The following LMBR1 variants were observed in gnomAD, a reference collection of about 807,000 sequenced individuals.
The protein encoded by LMBR1 is limb development membrane protein 1.
In LMBR1, 52 loss-of-function variants were observed where a neutral mutation model predicts 73.9. The ratio of observed to expected loss-of-function variants is 0.70; its 90% confidence interval spans 0.56 to 0.89. LMBR1 has a LOEUF of 0.89. Among genes scored for constraint, LMBR1 ranks in the 40% least tolerant of loss-of-function variants. LMBR1 has a pLI of 0.00. For synonymous variants in LMBR1, 215 were observed against 209.4 expected (o/e 1.03, Z -0.23); for missense variants, 539 against 579.8 (o/e 0.93, Z 0.72).
intron 4 of LMBR1, among the ~76,000 whole-genome samples, chr7:156,798,254 A>G (rs1830379590): frequency 6.6e-6 from 1 of 152,190 alleles, no homozygotes; most frequent in Non-Finnish European, 1.5e-5. Context: ...TGCCTGTCAT[A>G]AAATAAGCAT....
intron 15 of LMBR1, among the ~76,000 whole-genome samples, chr7:156,696,822 A>G (rs1808384863): frequency 6.6e-6 from 1 of 152,078 alleles, no homozygotes; most frequent in South Asian, 2.1e-4. Context: ...TCATTTCAAA[A>G]CCAATTATGC....
chr7:156,754,335 T>C (rs1271188207), intron 9 of LMBR1, among the ~76,000 whole-genome samples: 2 of 152,216 alleles, frequency 1.3e-5, no homozygotes, highest in African/African-American at 4.8e-5. Context: ...ATATCATAAC[T>C]ACCACAATAA....
At chr7:156,828,439 C>A (rs1427330067) in intron 3 of LMBR1, among the ~76,000 whole-genome samples, 1 of 152,142 alleles carries the variant, frequency 6.6e-6, no homozygotes, top group East Asian at 1.9e-4. Context: ...AGTAATGCAT[C>A]TTTTCTAATT....
At chr7:156,709,215 C>T (rs796672629) in intron 15 of LMBR1, among the ~76,000 whole-genome samples, 25 of 152,340 alleles carry the variant, frequency 1.6e-4, no homozygotes, top group African/African-American at 5.8e-4. Context: ...GCAGCTGGAA[C>T]TCTCTTGAAA....
intron 1 of LMBR1, among the ~76,000 whole-genome samples, chr7:156,846,442 T>C (rs961665824): frequency 6.6e-6 from 1 of 152,176 alleles, no homozygotes; most frequent in African/African-American, 2.4e-5. Flanking sequence ...ACACTATTTA[T>C]ATTAGCATTC....
At chr7:156,819,722 C>A (rs138154741) in intron 4 of LMBR1, among the ~76,000 whole-genome samples, 49 of 152,322 alleles carry the variant, frequency 3.2e-4, no homozygotes, top group African/African-American at 1.1e-3. Flanking sequence ...CCTAGGAGAC[C>A]TTCCCTGTGG....
downstream of LMBR1, chr7:156,676,415 G>C (rs911826869): frequency 6.2e-7 from 1 of 1,614,016 alleles, no homozygotes; most frequent in African/African-American, 1.3e-5. Flanking sequence ...CCTGTGTGCC[G>C]CAGGCTCTGC....
At chr7:156,807,444 C>A (rs572904549) in intron 4 of LMBR1, among the ~76,000 whole-genome samples, 12 of 152,312 alleles carry the variant, frequency 7.9e-5, no homozygotes, top group Non-Finnish European at 1.3e-4. Flanking sequence ...TTGTCCATTT[C>A]TCTAAGTTGT....
At chr7:156,790,311 T>C (rs916134736) in intron 5 of LMBR1, among the ~76,000 whole-genome samples, 5 of 152,020 alleles carry the variant, frequency 3.3e-5, no homozygotes, top group African/African-American at 1.2e-4. Flanking sequence ...TCTTGGGTAC[T>C]TTACCAACCT....
At chr7:156,859,252 A>T (rs1294074895) in intron 1 of LMBR1, among the ~76,000 whole-genome samples, 1 of 151,930 alleles carries the variant, frequency 6.6e-6, no homozygotes, top group African/African-American at 2.4e-5. Flanking sequence ...CCGTCTCAAA[A>T]AAAAAAAAAA....
rs1481592608 is a variant in LMBR1, at chr7:156,836,961, T to C, written c.67-76A>G. 5 of 900,986 alleles carry C rather than the reference T, an allele frequency of 5.5e-6. No individual in the cohort carries two copies. The East Asian group carries it at 1.4e-4, about 25-fold the overall frequency. 55.8% of individuals were successfully genotyped at this position (900,986 alleles called of 1,614,324 possible). A position where few individuals can be genotyped will look rare whatever the true frequency, so the allele number is the denominator to read the frequency against. On this transcript the variant is annotated intron_variant, in intron 1 of 16. Transcript: ENST00000353442. The stretch of plus-strand genomic sequence containing the variant: ...TAAATACTAGAAGATATATCTGTGA[T>C]ATTTATAGGAAAAAAGGATTTAAAC...
chr7:156,848,063 T>C (rs1435559525), intron 1 of LMBR1, among the ~76,000 whole-genome samples: 1 of 139,794 alleles, frequency 7.2e-6, no homozygotes, highest in Non-Finnish European at 1.6e-5. Context: ...CATTCAACAC[T>C]AAAAAAAAAA....
intron 14 of LMBR1, among the ~76,000 whole-genome samples, chr7:156,724,806 G>A (rs941999250): frequency 8.7e-5 from 12 of 138,344 alleles, no homozygotes; most frequent in Admixed American, 5.1e-4. Flanking sequence ...GTGTGTGTGT[G>A]TAAAATAACT....
In LMBR1 at chr7:156,770,835, G is replaced by C. The variant is rs542883330; in HGVS notation, c.424-7040C>G. Among the ~76,000 whole-genome samples, 5 of 152,204 alleles carry C rather than the reference G, an allele frequency of 3.3e-5. No homozygotes were observed. The South Asian group carries it at 1.0e-3, about 32-fold the overall frequency. ...AGGCTGAAGTGGGAAGATCACTTGA[G>C]CCCAGGAGTTTGAGGTTACAGTGAG... On this transcript the variant is annotated intron_variant, in intron 5 of 16. Transcript: ENST00000353442.
chr7:156,700,201 T>C (rs563728002), intron 15 of LMBR1, among the ~76,000 whole-genome samples: 8 of 152,302 alleles, frequency 5.3e-5, no homozygotes, highest in African/African-American at 1.4e-4. Flanking sequence ...CACCATGGAA[T>C]ACTATGCAGC....
At chr7:156,776,391 T>A (rs1458979322) in intron 5 of LMBR1, among the ~76,000 whole-genome samples, 1 of 152,162 alleles carries the variant, frequency 6.6e-6, no homozygotes, top group Admixed American at 6.5e-5. Context: ...GTACTTCTTA[T>A]CACATCCCCT....
intron 1 of LMBR1, among the ~76,000 whole-genome samples, chr7:156,891,219 TATATATATATATATACACAC>T (rs1802894197): frequency 3.5e-5 from 2 of 56,502 alleles, no homozygotes; most frequent in Admixed American, 2.3e-4. Flanking sequence ...AAAATATATA[TATATATATATATATACACAC>T]ACACACACAC....
chr7:156,731,298 T>C (rs1294008091), intron 10 of LMBR1, among the ~76,000 whole-genome samples: 1 of 152,244 alleles, frequency 6.6e-6, no homozygotes, highest in East Asian at 1.9e-4. Context: ...AAGCCTAGCA[T>C]GTGTGTAACT....
chr7:156,819,180 A>C (rs1834374243), intron 4 of LMBR1, among the ~76,000 whole-genome samples: 1 of 152,248 alleles, frequency 6.6e-6, no homozygotes, highest in African/African-American at 2.4e-5. Flanking sequence ...TTTGTGTTAC[A>C]AAATTCTTGC....
Sources: gnomAD v4.1 joint callset for allele counts (sites outside exome capture counted in the v4.1 genomes callset) on GRCh38, gnomAD v4.1.1 for gene constraint, MANE v1.5 for transcripts, NCBI Gene and HGNC (gene_info 2026-07-23, HGNC 2026-07-21) for gene names.